The following CYP4X1 variants were observed in gnomAD, a reference collection of about 807,000 sequenced individuals.
The protein encoded by CYP4X1 is cytochrome P450 4X1.
Under a neutral mutation model 57.9 loss-of-function variants are expected in CYP4X1, and 44 were observed. The ratio of observed to expected loss-of-function variants is 0.76; its 90% confidence interval spans 0.60 to 0.98. The LOEUF is 0.98. Among genes scored for constraint, CYP4X1 ranks in the 50% least tolerant of loss-of-function variants. The pLI, the probability that CYP4X1 is intolerant of heterozygous loss-of-function variation, is 0.00. For synonymous variants in CYP4X1, 227 were observed against 228.6 expected (o/e 0.99, Z 0.06); for missense variants, 532 against 623.9 (o/e 0.85, Z 1.57).
the CYP4X1 span, among the ~76,000 whole-genome samples, chr1:46,996,139 C>G: frequency 2.0e-5 from 3 of 152,200 alleles, no homozygotes; most frequent in Non-Finnish European, 4.4e-5. Context: ...CACAACAACT[C>G]TACGAAACTG....
the CYP4X1 span, among the ~76,000 whole-genome samples, chr1:46,984,160 G>A: frequency 6.6e-6 from 1 of 151,996 alleles, no homozygotes; most frequent in African/African-American, 2.4e-5. Context: ...CTGAGCCCAG[G>A]TTTGCAAACG....
At chr1:46,975,886 T>C in the CYP4X1 span, among the ~76,000 whole-genome samples, 7,454 of 152,164 alleles carry the variant, frequency 0.049, 551 homozygotes, top group African/African-American at 0.15. Flanking sequence ...TTATTTTTAT[T>C]TGAGTTAATT....
chr1:46,978,949 C>A, the CYP4X1 span, among the ~76,000 whole-genome samples: 3,153 of 152,182 alleles, frequency 0.021, 52 homozygotes, highest in South Asian at 0.034. Flanking sequence ...CACAACATAC[C>A]AGAATCTCTG....
chr1:46,993,599 T>C, the CYP4X1 span, among the ~76,000 whole-genome samples: 3 of 152,178 alleles, frequency 2.0e-5, no homozygotes, highest in Non-Finnish European at 4.4e-5. Context: ...CACCTGTTGT[T>C]TCCTGACTTT....
chr1:46,977,027 C>T, the CYP4X1 span, among the ~76,000 whole-genome samples: 2 of 152,134 alleles, frequency 1.3e-5, no homozygotes, highest in African/African-American at 4.8e-5. Flanking sequence ...GAAACCAGAG[C>T]AGGAAAGCTA....
chr1:47,006,161 C>A, the CYP4X1 span, among the ~76,000 whole-genome samples: 1 of 152,184 alleles, frequency 6.6e-6, no homozygotes, highest in African/African-American at 2.4e-5. Flanking sequence ...AAATTAAAAT[C>A]TTAAAATTAT....
Position 47,023,730 on chromosome 1 carries a change from G to C in CYP4X1, c.-88G>C. 1 of 1,499,478 alleles carries C rather than the reference G, an allele frequency of 6.7e-7. No homozygotes were observed. Among genetic ancestry groups the C allele is most frequent in the Non-Finnish European group, 8.9e-7 (1 of 1,127,822 alleles). The allele number at this position is 1,499,478 out of a possible 1,614,324, so 92.9% of individuals were successfully genotyped here. A position where few individuals can be genotyped will look rare whatever the true frequency, so the allele number is the denominator to read the frequency against. On this transcript the variant is annotated 5_prime_UTR_variant, in exon 1 of 12. Transcript: ENST00000371901. Reference sequence around the variant, plus strand: ...CGAGGGCCCAGAGAGGCGGTGGGGTGGGCGACCCTACGCCAGCTCCGGGCG... The same window carrying C: ...CGAGGGCCCAGAGAGGCGGTGGGGTCGGCGACCCTACGCCAGCTCCGGGCG...
At chr1:46,987,797 C>T in the CYP4X1 span, among the ~76,000 whole-genome samples, 2 of 152,046 alleles carry the variant, frequency 1.3e-5, no homozygotes, top group African/African-American at 4.8e-5. Flanking sequence ...GGGTACATAA[C>T]AAAATTGAGG....
At chr1:47,039,860 C>A (rs1473733689) in intron 8 of CYP4X1, 3 of 173,612 alleles carry the variant, frequency 1.7e-5, no homozygotes, top group Non-Finnish European at 3.6e-5. Context: ...AGAACTTAAA[C>A]AATAGGGTCC....
chr1:47,009,831 G>A, the CYP4X1 span, among the ~76,000 whole-genome samples: 4 of 152,114 alleles, frequency 2.6e-5, no homozygotes, highest in Non-Finnish European at 4.4e-5. Context: ...TAAATTCCTC[G>A]ACACATACAC....
At chr1:46,983,658 T>A in the CYP4X1 span, among the ~76,000 whole-genome samples, 2 of 152,186 alleles carry the variant, frequency 1.3e-5, no homozygotes, top group Admixed American at 1.3e-4. Context: ...GGCACATTTC[T>A]GTAAGGCAGT....
the CYP4X1 span, among the ~76,000 whole-genome samples, chr1:47,010,381 C>G: frequency 6.6e-6 from 1 of 152,168 alleles, no homozygotes; most frequent in Admixed American, 6.5e-5. Context: ...TAAAAACTCT[C>G]AATAAATTAG....
At chr1:46,965,939 G>A in the CYP4X1 span, among the ~76,000 whole-genome samples, 2 of 152,184 alleles carry the variant, frequency 1.3e-5, no homozygotes, top group Non-Finnish European at 2.9e-5. Flanking sequence ...CTCACTCAGT[G>A]AGAAGGAATG....
At chr1:46,973,439 C>G in the CYP4X1 span, among the ~76,000 whole-genome samples, 1 of 152,038 alleles carries the variant, frequency 6.6e-6, no homozygotes, top group African/African-American at 2.4e-5. Context: ...ATGCTGGCCT[C>G]GTAGAATGAG....
the CYP4X1 span, among the ~76,000 whole-genome samples, chr1:46,965,689 G>A: frequency 8.5e-3 from 1,295 of 152,352 alleles, 12 homozygotes; most frequent in African/African-American, 0.029. Context: ...AGCAGGATCA[G>A]GGACCAGCTT....
the CYP4X1 span, among the ~76,000 whole-genome samples, chr1:46,977,493 C>T: frequency 6.6e-6 from 1 of 152,010 alleles, no homozygotes; most frequent in Non-Finnish European, 1.5e-5. Context: ...ATCAAATCTA[C>T]ATCAGATTGG....
At chr1:46,994,907 T>C in the CYP4X1 span, among the ~76,000 whole-genome samples, 1 of 152,228 alleles carries the variant, frequency 6.6e-6, no homozygotes, top group Non-Finnish European at 1.5e-5. Flanking sequence ...CTTTTATTAT[T>C]ACCTGGATTT....
At chr1:47,019,120 A>T (rs1002640382), upstream of CYP4X1, among the ~76,000 whole-genome samples, 2 of 152,228 alleles carry the variant, frequency 1.3e-5, no homozygotes, top group Non-Finnish European at 2.9e-5. Flanking sequence ...GTCTATGTGT[A>T]AGTGTGCACT....
the CYP4X1 span, chr1:46,967,823 T>C: frequency 3.0e-6 from 4 of 1,323,252 alleles, no homozygotes; most frequent in Middle Eastern, 2.0e-4. Context: ...GTCAGGGCCA[T>C]GGCCACCTTT....
Sources: gnomAD v4.1 joint callset for allele counts (sites outside exome capture counted in the v4.1 genomes callset) on GRCh38, gnomAD v4.1.1 for gene constraint, MANE v1.5 for transcripts, NCBI Gene and HGNC (gene_info 2026-07-23, HGNC 2026-07-21) for gene names.